The following ADAMTSL1 variants were observed in gnomAD, a reference collection of about 807,000 sequenced individuals.
ADAMTSL1 encodes the protein ADAMTS like 1.
In ADAMTSL1, 126 loss-of-function variants were observed where a neutral mutation model predicts 201.8. The observed-to-expected ratio is 0.62, with a 90% confidence interval of 0.54 to 0.72. ADAMTSL1 has a LOEUF of 0.72. Among genes scored for constraint, ADAMTSL1 ranks in the 30% least tolerant of loss-of-function variants. The pLI, the probability that ADAMTSL1 is intolerant of heterozygous loss-of-function variation, is 0.00. For missense variants in ADAMTSL1, 2,679 were observed against 2,277.8 expected (o/e 1.18, Z -3.59); for synonymous variants, 1,121 against 903.4 (o/e 1.24, Z -4.32).
At chr9:18,614,281 C>T (rs750999030) in intron 4 of ADAMTSL1, among the ~76,000 whole-genome samples, 7 of 152,080 alleles carry the variant, frequency 4.6e-5, no homozygotes, top group South Asian at 4.1e-4. Context: ...CCTCGTTCTG[C>T]GTGTCTCTTC....
intron 2 of ADAMTSL1, among the ~76,000 whole-genome samples, chr9:18,337,661 A>G (rs1441523870): frequency 6.6e-6 from 1 of 152,180 alleles, no homozygotes; most frequent in African/African-American, 2.4e-5. Context: ...ACTGTTAACT[A>G]CTACACTATG....
At chr9:18,522,931 T>A (rs1448206456) in intron 2 of ADAMTSL1, among the ~76,000 whole-genome samples, 1 of 152,200 alleles carries the variant, frequency 6.6e-6, no homozygotes, top group Non-Finnish European at 1.5e-5. Context: ...AGCAGTATGA[T>A]TTATAATCCT....
chr9:18,430,267 T>C (rs1319966537), intron 2 of ADAMTSL1, among the ~76,000 whole-genome samples: 4 of 152,208 alleles, frequency 2.6e-5, no homozygotes, highest in African/African-American at 4.8e-5. Flanking sequence ...TTTTAAAGTA[T>C]CTAAGCATGT....
intron 2 of ADAMTSL1, among the ~76,000 whole-genome samples, chr9:18,185,290 A>C (rs183523052): frequency 6.6e-6 from 1 of 152,004 alleles, no homozygotes; most frequent in Non-Finnish European, 1.5e-5. Context: ...TCTCCTTCCT[A>C]CTGGCTTTGA....
At chr9:18,000,435 C>T (rs1819565634) in intron 1 of ADAMTSL1, among the ~76,000 whole-genome samples, 1 of 151,928 alleles carries the variant, frequency 6.6e-6, no homozygotes, top group African/African-American at 2.4e-5. Flanking sequence ...TTTAGCTTTA[C>T]CTGTCTCTCC....
intron 2 of ADAMTSL1, among the ~76,000 whole-genome samples, chr9:18,184,684 A>T (rs1828653895): frequency 6.6e-6 from 1 of 152,224 alleles, no homozygotes; most frequent in Non-Finnish European, 1.5e-5. Flanking sequence ...CTCATGTAGA[A>T]ATGACAGAGA....
intron 1 of ADAMTSL1, among the ~76,000 whole-genome samples, chr9:17,972,800 T>A (rs1364409397): frequency 7.8e-5 from 11 of 141,446 alleles, no homozygotes; most frequent in East Asian, 4.4e-4. Context: ...AGTGTTCCTA[T>A]TTCTCCACAT....
intron 2 of ADAMTSL1, among the ~76,000 whole-genome samples, chr9:18,287,261 G>C (rs1292228245): frequency 6.6e-6 from 1 of 152,050 alleles, no homozygotes; most frequent in Non-Finnish European, 1.5e-5. Flanking sequence ...ATTGGGCAAA[G>C]TAAATTACAT....
intron 2 of ADAMTSL1, among the ~76,000 whole-genome samples, chr9:18,395,264 T>G (rs1158979524): frequency 6.6e-6 from 1 of 152,188 alleles, no homozygotes; most frequent in Non-Finnish European, 1.5e-5. Flanking sequence ...CTCTGGTTTT[T>G]AAAAAAGAAT....
intron 7 of ADAMTSL1, among the ~76,000 whole-genome samples, chr9:18,640,967 C>T (rs1827399404): frequency 6.6e-6 from 1 of 151,982 alleles, no homozygotes; most frequent in South Asian, 2.1e-4. Flanking sequence ...CTCATTGCCT[C>T]TAGGTTAGAA....
chr9:18,371,028 C>A (rs1041975004), intron 2 of ADAMTSL1, among the ~76,000 whole-genome samples: 1 of 151,988 alleles, frequency 6.6e-6, no homozygotes, highest in South Asian at 2.1e-4. Context: ...ATTCTTGTGA[C>A]CTTCATATCC....
chr9:18,571,408 T>C (rs893629707), intron 3 of ADAMTSL1, among the ~76,000 whole-genome samples: 1 of 152,232 alleles, frequency 6.6e-6, no homozygotes, highest in Non-Finnish European at 1.5e-5. Flanking sequence ...TTCTGCTTTA[T>C]TGTATTTCAG....
intron 16 of ADAMTSL1, among the ~76,000 whole-genome samples, chr9:18,768,586 T>A (rs75773749): frequency 0.01 from 1,559 of 152,002 alleles, 33 homozygotes; most frequent in African/African-American, 0.036. Flanking sequence ...TACATCCTTT[T>A]TCCTAGGGGA....
At chr9:18,632,374 T>C (rs1826837177) in intron 5 of ADAMTSL1, among the ~76,000 whole-genome samples, 1 of 152,230 alleles carries the variant, frequency 6.6e-6, no homozygotes, top group South Asian at 2.1e-4. Flanking sequence ...CCTTAAAGTA[T>C]GTCCTAAGAT....
chr9:18,398,468 A>G (rs942432106), intron 2 of ADAMTSL1, among the ~76,000 whole-genome samples: 1 of 152,160 alleles, frequency 6.6e-6, no homozygotes, highest in Non-Finnish European at 1.5e-5. Context: ...TAAATTTGGA[A>G]AATTCTATCC....
At chr9:18,778,659 T>C (rs962173329) in intron 19 of ADAMTSL1, among the ~76,000 whole-genome samples, 2 of 152,222 alleles carry the variant, frequency 1.3e-5, no homozygotes, top group Non-Finnish European at 2.9e-5. Flanking sequence ...AAGATGGTTG[T>C]CATTAATTGA....
intron 22 of ADAMTSL1, among the ~76,000 whole-genome samples, chr9:18,828,421 G>A (rs1482839339): frequency 6.6e-6 from 1 of 151,736 alleles, no homozygotes; most frequent in Non-Finnish European, 1.5e-5. Flanking sequence ...GTATTGAGGA[G>A]GAGAGAAAGA....
At chr9:18,281,796 C>T (rs1301305430) in intron 2 of ADAMTSL1, among the ~76,000 whole-genome samples, 2 of 152,174 alleles carry the variant, frequency 1.3e-5, no homozygotes, top group African/African-American at 2.4e-5. Flanking sequence ...TCTTGAACTC[C>T]TGGCCTCAAG....
chr9:18,532,871 T>C (rs754543916), intron 2 of ADAMTSL1, among the ~76,000 whole-genome samples: 49 of 151,892 alleles, frequency 3.2e-4, no homozygotes, highest in Non-Finnish European at 1.0e-4. Context: ...CAATTTATTT[T>C]CAAGATCTAA....
Sources: allele counts gnomAD v4.1 joint callset (sites outside exome capture counted in the v4.1 genomes callset), GRCh38; gene constraint gnomAD v4.1.1; transcripts MANE v1.5; gene names NCBI Gene and HGNC (gene_info 2026-07-23, HGNC 2026-07-21).